The following CLIC4 variants were observed in gnomAD, a reference collection of about 807,000 sequenced individuals.
CLIC4 encodes CLIC family member 4, also known as chloride intracellular channel protein 4.
CLIC4 carries 13 observed loss-of-function variants against 24.6 expected under a neutral mutation model. The observed-to-expected ratio is 0.53, with a 90% CI of 0.34 to 0.84. CLIC4 has a LOEUF of 0.84. CLIC4 is among the 40% of genes least tolerant of loss of function. The pLI, the probability that CLIC4 is intolerant of heterozygous loss-of-function variation, is 0.01. For synonymous variants in CLIC4, 104 were observed against 111.3 expected (o/e 0.93, Z 0.41); for missense variants, 227 against 301.7 (o/e 0.75, Z 1.83).
At chr1:24,822,528 T>C (rs1365523091) in intron 3 of CLIC4, among the ~76,000 whole-genome samples, 1 of 151,948 alleles carries the variant, frequency 6.6e-6, no homozygotes, top group African/African-American at 2.4e-5. Context: ...TTTGTATTTT[T>C]AGTAGAGACG....
chr1:24,778,142 T>C (rs1639162803), intron 1 of CLIC4, among the ~76,000 whole-genome samples: 2 of 152,202 alleles, frequency 1.3e-5, no homozygotes, highest in Non-Finnish European at 2.9e-5. Flanking sequence ...GGTGAGATTC[T>C]AGCATCTCCT....
intron 2 of CLIC4, among the ~76,000 whole-genome samples, chr1:24,799,732 C>A (rs1419679650): frequency 7.3e-6 from 1 of 136,216 alleles, no homozygotes; most frequent in African/African-American, 2.8e-5. Context: ...CCAGCCGCCC[C>A]GTCCGGGAGG....
chr1:24,745,700 G>A, intron 1 of CLIC4, 75 bp downstream of exon 1: 1 of 1,302,038 alleles, frequency 7.7e-7, no homozygotes, highest in Non-Finnish European at 1.1e-6. Context: ...GCGTCCCGGG[G>A]CTCTCCTGAG....
chr1:24,784,666 A>G (rs912392826), intron 1 of CLIC4, among the ~76,000 whole-genome samples: 1 of 152,202 alleles, frequency 6.6e-6, no homozygotes, highest in Non-Finnish European at 1.5e-5. Flanking sequence ...TGAGTAAGGA[A>G]ATGGTAGCAA....
intron 1 of CLIC4, among the ~76,000 whole-genome samples, chr1:24,747,260 G>C (rs1354330430): frequency 6.6e-6 from 1 of 151,904 alleles, no homozygotes; most frequent in African/African-American, 2.4e-5. Context: ...AGGAGGCCGG[G>C]CGCGGTGGCT....
At chr1:24,796,833 CCA>C (rs1639409446) in intron 1 of CLIC4, among the ~76,000 whole-genome samples, 1 of 152,160 alleles carries the variant, frequency 6.6e-6, no homozygotes, top group Non-Finnish European at 1.5e-5. Context: ...TACTCCCTAG[CCA>C]CATATTGCTA....
intron 1 of CLIC4, among the ~76,000 whole-genome samples, chr1:24,775,000 C>T (rs1388163255): frequency 3.4e-5 from 5 of 147,524 alleles, no homozygotes; most frequent in South Asian, 2.2e-4. Context: ...GAACCCAGGA[C>T]GCACAGGTTG....
chr1:24,772,699 T>G (rs1288943922), intron 1 of CLIC4, among the ~76,000 whole-genome samples: 1 of 152,200 alleles, frequency 6.6e-6, no homozygotes. Flanking sequence ...TTGGCCAGGC[T>G]GGTCTTGAAC....
At chr1:24,745,956 C>T (rs988301566) in intron 1 of CLIC4, among the ~76,000 whole-genome samples, 8 of 149,068 alleles carry the variant, frequency 5.4e-5, no homozygotes, top group Non-Finnish European at 7.5e-5. Context: ...CAGCGCCGGG[C>T]GCGCGCGGGT....
At chr1:24,794,161 G>A (rs1202097080) in intron 1 of CLIC4, among the ~76,000 whole-genome samples, 1 of 152,148 alleles carries the variant, frequency 6.6e-6, no homozygotes, top group Non-Finnish European at 1.5e-5. Flanking sequence ...ACATATGCAT[G>A]TGTCTTTATG....
At chr1:24,788,144 G>A (rs1389081941) in intron 1 of CLIC4, among the ~76,000 whole-genome samples, 3 of 152,022 alleles carry the variant, frequency 2.0e-5, no homozygotes, top group Non-Finnish European at 2.9e-5. Flanking sequence ...GAGCCACTGC[G>A]CCTGGCCAAT....
chr1:24,812,820 G>A (rs776393032), intron 2 of CLIC4, among the ~76,000 whole-genome samples: 14 of 151,988 alleles, frequency 9.2e-5, no homozygotes, highest in Admixed American at 2.6e-4. Context: ...CCGGGTTCAA[G>A]TGGTTCTCCT....
chr1:24,773,393 A>G (rs1343908376), intron 1 of CLIC4, among the ~76,000 whole-genome samples: 1 of 152,206 alleles, frequency 6.6e-6, no homozygotes, highest in Non-Finnish European at 1.5e-5. Flanking sequence ...AATCTAGTTT[A>G]TACTACAGTA....
chr1:24,788,701 A>G (rs1639300758), intron 1 of CLIC4, among the ~76,000 whole-genome samples: 2 of 152,204 alleles, frequency 1.3e-5, no homozygotes, highest in African/African-American at 4.8e-5. Context: ...TTGCTTTTAA[A>G]TCTAATACTT....
rs1639944424 is a variant in CLIC4, at chr1:24,841,618, T to C, written c.*681T>C. Reference sequence around the variant, plus strand: ...TCTGACACCATGTAGAAGCTAAAAGTTTAGAGGGAGTGAGGGTTTTCTCAA... The same window carrying C: ...TCTGACACCATGTAGAAGCTAAAAGCTTAGAGGGAGTGAGGGTTTTCTCAA... On this transcript the variant is annotated 3_prime_UTR_variant, in exon 6 of 6. Coordinates refer to ENST00000374379, the MANE Select transcript of CLIC4 (RefSeq NM_013943.3). 6.6e-6 allele frequency: 1 copy of C among 152,140 alleles called. No individual in the cohort carries two copies. Among genetic ancestry groups the C allele is most frequent in the Admixed American group, 6.6e-5 (1 of 15,264 alleles). The allele number at this position is 152,140 out of a possible 1,614,324, so 9.4% of individuals were successfully genotyped here.
At chr1:24,835,195 G>T (rs972109283) in intron 4 of CLIC4, among the ~76,000 whole-genome samples, 2 of 152,160 alleles carry the variant, frequency 1.3e-5, no homozygotes, top group Admixed American at 6.5e-5. Flanking sequence ...AATAAAATGG[G>T]TAGATCTTTG....
At chr1:24,778,135 G>A (rs975021735) in intron 1 of CLIC4, among the ~76,000 whole-genome samples, 1 of 152,142 alleles carries the variant, frequency 6.6e-6, no homozygotes. Context: ...TCAAGCAGGT[G>A]AGATTCTAGC....
chr1:24,836,088 G>A (rs1639882918), intron 4 of CLIC4, among the ~76,000 whole-genome samples: 1 of 152,180 alleles, frequency 6.6e-6, no homozygotes, highest in African/African-American at 2.4e-5. Flanking sequence ...CACTGACATT[G>A]GATGAAGTAG....
chr1:24,773,718 T>C (rs1639099354), intron 1 of CLIC4, among the ~76,000 whole-genome samples: 1 of 150,874 alleles, frequency 6.6e-6, no homozygotes, highest in South Asian at 2.1e-4. Flanking sequence ...TGCTTAAGCC[T>C]TCTGAGTAGC....
Sources: gnomAD v4.1 joint callset for allele counts (sites outside exome capture counted in the v4.1 genomes callset) on GRCh38, gnomAD v4.1.1 for gene constraint, MANE v1.5 for transcripts, NCBI Gene and HGNC (gene_info 2026-07-23, HGNC 2026-07-21) for gene names.